UGT1A6: variants seen among roughly 807,000 people sequenced by gnomAD.
UGT1A6 encodes the protein UDP glucuronosyltransferase family 1 member A6, also known as UDP-glucuronosyltransferase 1A6.
Under a neutral mutation model 44.4 loss-of-function variants are expected in UGT1A6, and 32 were observed. The ratio of observed to expected loss-of-function variants is 0.72; its 90% CI spans 0.54 to 0.97. The LOEUF (loss-of-function observed/expected upper bound fraction) is 0.97. Ranked by LOEUF, UGT1A6 falls within the 50% of genes least tolerant of loss-of-function variation. UGT1A6 has a pLI of 0.00. For synonymous variants in UGT1A6, 238 were observed against 248.5 expected, an observed-to-expected ratio of 0.96 and a Z score of 0.40; for missense variants, 685 against 661.9, an observed-to-expected ratio of 1.03 and a Z score of -0.38.
chr2:233,713,894 G>A (rs1009704522), intron 1 of UGT1A6: 26 of 1,613,234 alleles, frequency 1.6e-5, no homozygotes, highest in Non-Finnish European at 2.2e-5. Context: ...CAATGTTCCA[G>A]GCAAAACACT....
chr2:233,748,068 C>G, intron 1 of UGT1A6: 1 of 1,613,324 alleles, frequency 6.2e-7, no homozygotes, highest in Non-Finnish European at 8.5e-7. Flanking sequence ...CAACAGGAAG[C>G]CACTATCTCA....
chr2:233,743,224 A>G (rs397839834), intron 1 of UGT1A6: 25 of 414,132 alleles, frequency 6.0e-5, no homozygotes, highest in Middle Eastern at 7.1e-4. Context: ...GCTCTTTGCT[A>G]TTTATTATGA....
chr2:233,700,162 G>A (rs2075547440), intron 1 of UGT1A6, among the ~76,000 whole-genome samples: 1 of 152,192 alleles, frequency 6.6e-6, no homozygotes, highest in Non-Finnish European at 1.5e-5. Flanking sequence ...GTCTTTACAA[G>A]GAATGCTCAT....
intron 1 of UGT1A6, among the ~76,000 whole-genome samples, chr2:233,759,599 A>ACCCCCCCCCCC (rs1553620419): frequency 8.2e-4 from 89 of 108,630 alleles, no homozygotes; most frequent in African/African-American, 1.6e-3. Context: ...CCCACCCCCG[A>ACCCCCCCCCCC]CCCGCCCCAC....
At chr2:233,767,707 G>A (rs571789905) in intron 2 of UGT1A6, 142 bp from the exon 3 acceptor site, 2 of 1,523,576 alleles carry the variant, frequency 1.3e-6, no homozygotes, top group Non-Finnish European at 1.8e-6. Context: ...CCAGTCCTCA[G>A]AAGCCTTCAC....
In UGT1A6 at chr2:233,722,855, T is replaced by G. The variant is rs537122940; in HGVS notation, c.861+28990T>G. Among the ~76,000 whole-genome samples, 9 of 127,428 alleles carry G rather than the reference T, an allele frequency of 7.1e-5. No individual in the cohort carries two copies. The South Asian group carries it at 1.9e-3, about 27-fold the overall frequency. 83.6% of individuals were successfully genotyped at this position (127,428 alleles called of 152,430 possible). A position where few individuals can be genotyped will look rare whatever the true frequency, so the allele number is the denominator to read the frequency against. On this transcript the variant is annotated intron_variant, in intron 1 of 4. Coordinates refer to ENST00000305139, the MANE Select transcript of UGT1A6 (RefSeq NM_001072.4). ...ATAATAAGAATGTTTCTTTTTTTTTTTTTTGAAGGAAAAAATAAATTTATT... is the reference window on the plus strand; with the variant it reads ...ATAATAAGAATGTTTCTTTTTTTTTGTTTTGAAGGAAAAAATAAATTTATT...
chr2:233,729,923 C>G (rs760546149), intron 1 of UGT1A6: 1 of 1,614,016 alleles, frequency 6.2e-7, no homozygotes, highest in Non-Finnish European at 8.5e-7. Flanking sequence ...ATGGACTACC[C>G]CAGGCCAATC....
intron 1 of UGT1A6, chr2:233,741,005 T>G (rs1691537974): frequency 6.6e-6 from 1 of 151,828 alleles, no homozygotes; most frequent in African/African-American, 2.4e-5. Context: ...AAGGATCACT[T>G]GAGCCCAGGA....
intron 1 of UGT1A6, chr2:233,730,038 C>T (rs1559375450): frequency 6.2e-7 from 1 of 1,612,872 alleles, no homozygotes; most frequent in East Asian, 2.2e-5. Flanking sequence ...AGGCAAAACA[C>T]TTTTTAAAAA....
chr2:233,741,506 T>G (rs1461228170), intron 1 of UGT1A6: 1 of 151,928 alleles, frequency 6.6e-6, no homozygotes, highest in Non-Finnish European at 1.5e-5. Flanking sequence ...TGAACTCATT[T>G]TTCAAAAGCC....
chr2:233,693,023 T>G lies in UGT1A6; in HGVS notation c.19T>G (p.Ser7Ala), dbSNP rs6759892. The part of the protein sequence containing the change: MACLLR[S>A]FQRISAGVFF... ...TTCCAGGATGGCCTGCCTCCTTCGC[T>G]CATTTCAGAGAATTTCTGCAGGGGT... Residue 7 changes from serine to alanine, a missense_variant, in exon 1 of 5, where the codon TCA becomes GCA. Physicochemically the swap from Ser to Ala is moderately conservative, Grantham distance 99. Transcript: ENST00000305139. The G allele has an allele frequency of 0.4, 650,213 of 1,613,808 alleles. 133,167 individuals are homozygous for G. Among genetic ancestry groups the G allele is most frequent in the South Asian group, 0.45 (41,315 of 91,030 alleles).
upstream of UGT1A6, chr2:233,692,705 A>T: frequency 2.3e-6 from 1 of 440,436 alleles, no homozygotes; most frequent in Non-Finnish European, 3.0e-6. Context: ...TCTCCAAGTC[A>T]TCTTCAAAGT....
intron 1 of UGT1A6, chr2:233,729,464 G>T: frequency 6.2e-7 from 1 of 1,614,158 alleles, no homozygotes; most frequent in Non-Finnish European, 8.5e-7. Context: ...TTTTTCAGAA[G>T]TATGGCAATG....
At chr2:233,744,436 C>G (rs183534266) in intron 1 of UGT1A6, among the ~76,000 whole-genome samples, 10 of 151,926 alleles carry the variant, frequency 6.6e-5, no homozygotes. Context: ...ATCTATCATA[C>G]GTACTGCATT....
rs373069908 is a variant in UGT1A6, at chr2:233,718,914, T to G, written c.861+25049T>G. On this transcript the variant is annotated intron_variant, in intron 1 of 4. Coordinates refer to ENST00000305139, the MANE Select transcript of UGT1A6 (RefSeq NM_001072.4). Reference sequence around the variant, plus strand: ...GCCCTGGGCTGAGAGTGGAAAGGTGTTGGTGGTGCCCACTGATGGCAGCCC... The same window carrying G: ...GCCCTGGGCTGAGAGTGGAAAGGTGGTGGTGGTGCCCACTGATGGCAGCCC... 6.2e-6 allele frequency: 10 copies of G among 1,614,066 alleles called. No homozygotes were observed. In the East Asian group the frequency reaches 1.8e-4, roughly 29 times the overall value.
chr2:233,761,137 A>T, intron 1 of UGT1A6: 2 of 1,614,180 alleles, frequency 1.2e-6, no homozygotes, highest in Non-Finnish European at 1.7e-6. Flanking sequence ...CCTTCACCAA[A>T]ATCCACTATC....
Position 233,760,454 on chromosome 2 carries a change from A to C in UGT1A6, c.862-6580A>C, listed in dbSNP as rs140365717. 64 of 1,614,102 alleles carry C rather than the reference A, an allele frequency of 4.0e-5. No homozygotes were observed. The highest frequency in any genetic ancestry group is 5.0e-5 in the Non-Finnish European group (59 of 1,180,050). On this transcript the variant is annotated intron_variant, in intron 1 of 4. Coordinates refer to ENST00000305139, the MANE Select transcript of UGT1A6 (RefSeq NM_001072.4). Reference sequence around the variant, plus strand: ...CAGCAGCTGCAGCAGAGGGGACATGAAATAGTTGTCCTAGCACCTGACGCC... The same window carrying C: ...CAGCAGCTGCAGCAGAGGGGACATGCAATAGTTGTCCTAGCACCTGACGCC...
At chr2:233,766,081 A>G (rs913982065) in intron 1 of UGT1A6, among the ~76,000 whole-genome samples, 2 of 152,278 alleles carry the variant, frequency 1.3e-5, no homozygotes, top group Admixed American at 6.5e-5. Context: ...ACCTTGTCGC[A>G]AGGACAGAGG....
intron 1 of UGT1A6, chr2:233,753,518 C>T (rs1032528502): frequency 5.9e-5 from 9 of 152,196 alleles, no homozygotes; most frequent in Non-Finnish European, 1.0e-4. Flanking sequence ...AGTTGTTGCC[C>T]TTTTGCTCTC....
Sources: gnomAD v4.1 joint callset for allele counts (sites outside exome capture counted in the v4.1 genomes callset) on GRCh38, gnomAD v4.1.1 for gene constraint, MANE v1.5 for transcripts, NCBI Gene and HGNC (gene_info 2026-07-23, HGNC 2026-07-21) for gene names.